Variants in TBX15 observed in about 807,000 individuals in gnomAD.
The protein encoded by TBX15 is T-box transcription factor TBX15.
TBX15 carries 18 observed loss-of-function variants against 53.9 expected under a neutral mutation model. That is an observed-to-expected ratio of 0.33 (90% confidence interval 0.23 to 0.49). TBX15 has a LOEUF of 0.49. Ranked by LOEUF, TBX15 falls within the 20% of genes least tolerant of loss-of-function variation. The probability of loss-of-function intolerance (pLI) is 0.98; values close to 1 mark genes in which losing one functional copy is unlikely to be tolerated. For missense variants in TBX15, 692 were observed against 749.5 expected (o/e 0.92, Z 0.90); for synonymous variants, 295 against 278.0 (o/e 1.06, Z -0.61).
chr1:118,913,366 T>G (rs1041793650), intron 6 of TBX15, among the ~76,000 whole-genome samples: 3 of 152,220 alleles, frequency 2.0e-5, no homozygotes, highest in African/African-American at 7.2e-5. Context: ...TAGATATAGC[T>G]GGTTTCCCTA....
intron 1 of TBX15, among the ~76,000 whole-genome samples, chr1:118,939,434 A>AAAAAAAAAAAAAAAG (rs1656087775): frequency 1.4e-5 from 1 of 72,792 alleles, no homozygotes; most frequent in Non-Finnish European, 2.7e-5. Flanking sequence ...AAAAAAAAAA[A>AAAAAAAAAAAAAAAG]AACAAAAACA....
chr1:118,926,433 T>G, intron 3 of TBX15, 77 bp downstream of exon 3: 1 of 1,296,826 alleles, frequency 7.7e-7, no homozygotes, highest in East Asian at 2.4e-5. Context: ...TGCTAAACTA[T>G]TTCCTCTAAG....
At chr1:118,886,939 C>T (rs143069893) in intron 7 of TBX15, among the ~76,000 whole-genome samples, 8 of 152,230 alleles carry the variant, frequency 5.3e-5, no homozygotes, top group African/African-American at 1.2e-4. Context: ...GATGATGCAC[C>T]GACAGACTGA....
chr1:118,961,384 A>T (rs1025825561), intron 1 of TBX15, among the ~76,000 whole-genome samples: 31 of 152,212 alleles, frequency 2.0e-4, no homozygotes, highest in East Asian at 1.9e-4. Flanking sequence ...GAAATTGAGC[A>T]TGTACTCTTC....
At chr1:118,907,070 C>T (rs1020700656) in intron 6 of TBX15, among the ~76,000 whole-genome samples, 3 of 152,174 alleles carry the variant, frequency 2.0e-5, no homozygotes, top group African/African-American at 7.2e-5. Flanking sequence ...AAAACATACC[C>T]TCCTAAAAAG....
At chr1:118,976,464 G>C (rs890803673) in intron 1 of TBX15, among the ~76,000 whole-genome samples, 1 of 152,192 alleles carries the variant, frequency 6.6e-6, no homozygotes, top group African/African-American at 2.4e-5. Context: ...ATCCGGTAAA[G>C]TCTGGTTTTT....
At chr1:118,983,740 C>T (rs961057776) in intron 1 of TBX15, among the ~76,000 whole-genome samples, 1 of 152,194 alleles carries the variant, frequency 6.6e-6, no homozygotes, top group Non-Finnish European at 1.5e-5. Flanking sequence ...AACCAAGGTT[C>T]CTTGTCCCTG....
chr1:118,958,512 AT>A (rs1162425560), intron 1 of TBX15, among the ~76,000 whole-genome samples: 3 of 152,128 alleles, frequency 2.0e-5, no homozygotes, highest in East Asian at 1.9e-4. Context: ...TTCAACATAG[AT>A]TTTTTTACAT....
At chr1:118,935,869 G>T (rs1655950608) in intron 1 of TBX15, among the ~76,000 whole-genome samples, 1 of 152,108 alleles carries the variant, frequency 6.6e-6, no homozygotes, top group African/African-American at 2.4e-5. Context: ...GATAGACATA[G>T]CTTGTATTTT....
At position 118,884,033 on chromosome 1, in the gene TBX15, T is replaced by C. The variant is rs965705799; in HGVS notation, c.*699A>G. ...ACCACTGGGAATATCAATGATAGCA[T>C]ACAAGTGAAGAGAGCCAAAGTTCAA... On this transcript the variant is annotated 3_prime_UTR_variant, in exon 8 of 8. Transcript: ENST00000369429. The C allele has an allele frequency of 6.5e-6, 1 of 153,208 alleles. No homozygotes were observed. The highest frequency in any genetic ancestry group is 1.5e-5 in the Non-Finnish European group (1 of 68,524). The allele number at this position is 153,208 out of a possible 1,614,324, so 9.5% of individuals were successfully genotyped here.
chr1:118,945,339 T>C (rs922772924), intron 1 of TBX15, among the ~76,000 whole-genome samples: 8 of 152,318 alleles, frequency 5.3e-5, no homozygotes, highest in African/African-American at 1.7e-4. Flanking sequence ...CTCTGATTAG[T>C]GGTTAAAAAT....
At chr1:118,929,453 C>G (rs915907640) in intron 2 of TBX15, among the ~76,000 whole-genome samples, 1 of 152,060 alleles carries the variant, frequency 6.6e-6, no homozygotes, top group Non-Finnish European at 1.5e-5. Flanking sequence ...GAAGAGAAAG[C>G]CTTATTTGTA....
At chr1:118,918,280 C>G (rs1336356387) in intron 5 of TBX15, among the ~76,000 whole-genome samples, 2 of 152,074 alleles carry the variant, frequency 1.3e-5, no homozygotes, top group African/African-American at 4.8e-5. Flanking sequence ...AGGTAGGAAC[C>G]ATGTCTATTT....
chr1:118,887,631 T>A (rs1279784607), intron 7 of TBX15, among the ~76,000 whole-genome samples: 1 of 146,898 alleles, frequency 6.8e-6, no homozygotes, highest in African/African-American at 2.5e-5. Context: ...GCCAAGATAG[T>A]GCCATTGCAC....
At position 118,937,724 on chromosome 1, in the gene TBX15, C is replaced by T. The variant is rs181734792; in HGVS notation, c.206-5892G>A. On this transcript the variant is annotated intron_variant, in intron 1 of 7. Transcript: ENST00000369429. ...AACAATTAAAGGAGAAAAACCCAAC[C>T]CGGATGATAGACAATTCATCTTACT... Among the ~76,000 whole-genome samples the T allele has an allele frequency of 5.3e-5, 8 of 152,292 alleles. No homozygotes were observed. In the East Asian group the frequency reaches 1.3e-3, roughly 26 times the overall value.
At chr1:118,907,908 G>T (rs560359861) in intron 6 of TBX15, among the ~76,000 whole-genome samples, 1 of 152,210 alleles carries the variant, frequency 6.6e-6, no homozygotes, top group South Asian at 2.1e-4. Flanking sequence ...TTTCTCCAGG[G>T]AGCCAGAACA....
At chr1:118,967,792 G>T (rs1244373679) in intron 1 of TBX15, among the ~76,000 whole-genome samples, 2 of 152,160 alleles carry the variant, frequency 1.3e-5, no homozygotes, top group Admixed American at 6.5e-5. Context: ...TTCATTTCCA[G>T]AATGGTATTC....
intron 4 of TBX15, 93 bp downstream of exon 4, chr1:118,924,553 T>C (rs1655531079): frequency 6.8e-7 from 1 of 1,472,474 alleles, no homozygotes; most frequent in Non-Finnish European, 9.5e-7. Flanking sequence ...AGAGATTCCT[T>C]ATTTTACCTA....
intron 1 of TBX15, among the ~76,000 whole-genome samples, chr1:118,965,085 T>G (rs1422699479): frequency 6.6e-6 from 1 of 152,198 alleles, no homozygotes; most frequent in Non-Finnish European, 1.5e-5. Flanking sequence ...TGCCTTTTAT[T>G]CTCTCCCTCA....
Sources: gnomAD v4.1 joint callset for allele counts (sites outside exome capture counted in the v4.1 genomes callset) on GRCh38, gnomAD v4.1.1 for gene constraint, MANE v1.5 for transcripts, NCBI Gene and HGNC (gene_info 2026-07-23, HGNC 2026-07-21) for gene names.